CDK19: variants seen among roughly 807,000 people sequenced by gnomAD.
CDK19 encodes cyclin dependent kinase 19.
Under a neutral mutation model 68.3 loss-of-function variants are expected in CDK19, and 20 were observed. The observed-to-expected ratio is 0.29, with a 90% CI of 0.21 to 0.43. The LOEUF is 0.43. Among genes scored for constraint, CDK19 ranks in the 20% least tolerant of loss-of-function variants. The pLI is 1.00. For missense variants in CDK19, 339 were observed against 623.5 expected, an observed-to-expected ratio of 0.54 and a Z score of 4.86; for synonymous variants, 221 against 222.8, an observed-to-expected ratio of 0.99 and a Z score of 0.07.
rs527396556 is a variant in CDK19 at position 110,722,837 on chromosome 6, A to T, written c.204+23289T>A. Reference sequence around the variant, plus strand: ...AGCCATGATCGTGCCAATGTACTACAGCCTGGGTGACAGAGTGAGACCCTA... The same window carrying T: ...AGCCATGATCGTGCCAATGTACTACTGCCTGGGTGACAGAGTGAGACCCTA... On this transcript the variant is annotated intron_variant, in intron 2 of 12. Transcript: ENST00000368911. Among the ~76,000 whole-genome samples, 8 of 152,140 alleles carry T rather than the reference A, an allele frequency of 5.3e-5. No homozygotes were observed. In the East Asian group the frequency reaches 1.6e-3, roughly 29 times the overall value.
chr6:110,679,613 A>T (rs1771839239), intron 2 of CDK19, among the ~76,000 whole-genome samples: 1 of 152,210 alleles, frequency 6.6e-6, no homozygotes, highest in African/African-American at 2.4e-5. Context: ...ACTGTCTCTA[A>T]AAACATAAAA....
chr6:110,689,171 AGGCAGCTATGTTCCTCTCTG>A (rs1034697287), intron 2 of CDK19, among the ~76,000 whole-genome samples: 6 of 152,144 alleles, frequency 3.9e-5, no homozygotes, highest in African/African-American at 1.4e-4. Context: ...TGTGCAGCAG[AGGCAGCTATGTTCCTCTCTG>A]GAACATTACC....
intron 2 of CDK19, among the ~76,000 whole-genome samples, chr6:110,737,325 G>A (rs961734517): frequency 1.3e-5 from 2 of 152,202 alleles, no homozygotes; most frequent in East Asian, 1.9e-4. Flanking sequence ...ACAAAAGTGA[G>A]AAGGAACAAA....
chr6:110,742,675 T>C (rs1283724900), intron 2 of CDK19, among the ~76,000 whole-genome samples: 1 of 152,168 alleles, frequency 6.6e-6, no homozygotes, highest in Non-Finnish European at 1.5e-5. Flanking sequence ...GTCTGTCTTA[T>C]GCAGTTGAGA....
chr6:110,647,850 C>CTGAAGTT lies in CDK19; in HGVS notation c.457-9145_457-9144insAACTTCA, dbSNP rs1289544292. Among the ~76,000 whole-genome samples, 11 of 152,228 alleles carry CTGAAGTT rather than the reference C, an allele frequency of 7.2e-5. No homozygotes were observed. The South Asian group carries it at 2.3e-3, about 32-fold the overall frequency. ...TGAAAAAGAAAAACTTCAGGCCAAC[C>CTGAAGTT]TTACTCATGAATATAGTTGTAAAAA... On this transcript the variant is annotated intron_variant, in intron 4 of 12. Coordinates refer to ENST00000368911, the MANE Select transcript of CDK19 (RefSeq NM_015076.5).
chr6:110,797,569 AAAGG>A (rs1782026964), intron 1 of CDK19, among the ~76,000 whole-genome samples: 1 of 152,228 alleles, frequency 6.6e-6, no homozygotes, highest in African/African-American at 2.4e-5. Flanking sequence ...AGAAAAGAAA[AAAGG>A]AAGAAAGCAG....
intron 1 of CDK19, among the ~76,000 whole-genome samples, chr6:110,775,964 T>C (rs550849024): frequency 6.6e-6 from 1 of 152,354 alleles, no homozygotes; most frequent in Admixed American, 6.5e-5. Flanking sequence ...TCCCTCAGTA[T>C]AACCAGAGTT....
rs368032164 is a variant in CDK19 at position 110,653,794 on chromosome 6, A to T, written c.456+13640T>A. Among the ~76,000 whole-genome samples, 4 of 152,316 alleles carry T rather than the reference A, an allele frequency of 2.6e-5. No homozygotes were observed. In the East Asian group the frequency reaches 5.8e-4, roughly 22 times the overall value. On this transcript the variant is annotated intron_variant, in intron 4 of 12. Transcript: ENST00000368911. ...CTTAATGCTTTAATTTATATTCATG[A>T]TACTTAACATGTACTCCAGATTTGC...
intron 2 of CDK19, among the ~76,000 whole-genome samples, chr6:110,708,447 G>A (rs368755780): frequency 3.7e-4 from 56 of 152,336 alleles, no homozygotes; most frequent in African/African-American, 1.2e-3. Context: ...TAGGCTAGGA[G>A]AATAGAGATT....
chr6:110,814,992 C>G lies in CDK19; in HGVS notation c.128+17G>C. On this transcript the variant is annotated intron_variant, in intron 1 of 12. Coordinates refer to ENST00000368911, the MANE Select transcript of CDK19 (RefSeq NM_015076.5). ...CGAGGACCCGAGCGAGCCTACTCCT[C>G]CCGCCCCTGCTCTTACCCATCTTTC... 6.2e-7 allele frequency: 1 copy of G among 1,602,308 alleles called. No individual in the cohort carries two copies. The highest frequency in any genetic ancestry group is 8.5e-7 in the Non-Finnish European group (1 of 1,175,168).
At chr6:110,620,225 C>T (rs1226767719) in intron 12 of CDK19, among the ~76,000 whole-genome samples, 1 of 152,062 alleles carries the variant, frequency 6.6e-6, no homozygotes, top group East Asian at 1.9e-4. Context: ...GTTTATGCAG[C>T]TATTTGTTAT....
intron 2 of CDK19, among the ~76,000 whole-genome samples, chr6:110,711,903 G>A (rs1016545962): frequency 6.6e-6 from 1 of 152,260 alleles, no homozygotes. Context: ...AGGCTGGGGG[G>A]CGGAGGTTGT....
rs760963852 is a variant in CDK19, at chr6:110,645,976, T to C, written c.457-7270A>G. The stretch of plus-strand genomic sequence containing the variant: ...CGCGAGGGCTTCTACAACGAGCACA[T>C]GCAGCGCGTCTTCAAGTATCTGGGC... On this transcript the variant is annotated intron_variant, in intron 4 of 12. Transcript: ENST00000368911. 271 of 1,167,342 alleles carry C rather than the reference T, an allele frequency of 2.3e-4. 1 individual carries two copies. Among genetic ancestry groups the C allele is most frequent in the Middle Eastern group, 3.8e-4 (2 of 5,208 alleles). The allele number at this position is 1,167,342 out of a possible 1,614,324, so 72.3% of individuals were successfully genotyped here.
chr6:110,813,430 C>T (rs1468523907), intron 1 of CDK19: 2 of 152,120 alleles, frequency 1.3e-5, no homozygotes, highest in Non-Finnish European at 2.9e-5. Flanking sequence ...AAACGGAAAA[C>T]TGGATGTGCT....
chr6:110,765,124 G>C (rs1010909904), intron 1 of CDK19, among the ~76,000 whole-genome samples: 5 of 151,102 alleles, frequency 3.3e-5, no homozygotes, highest in Admixed American at 6.6e-5. Context: ...GCACTTTAAA[G>C]AAAATAAAAA....
chr6:110,646,599 G>A, intron 4 of CDK19: 2 of 686,946 alleles, frequency 2.9e-6, no homozygotes, highest in South Asian at 3.4e-5. Context: ...CAACGGCGGA[G>A]GGGGCGGGGA....
chr6:110,713,364 G>A (rs1008823021), intron 2 of CDK19, among the ~76,000 whole-genome samples: 2 of 150,802 alleles, frequency 1.3e-5, no homozygotes, highest in African/African-American at 4.9e-5. Context: ...CCCGGGAGGC[G>A]GAGCTTGCAG....
At chr6:110,641,488 T>C (rs1160309839) in intron 4 of CDK19, among the ~76,000 whole-genome samples, 3 of 151,566 alleles carry the variant, frequency 2.0e-5, no homozygotes, top group Admixed American at 1.3e-4. Context: ...TCCCAGCTAC[T>C]TGGGAGGCTG....
rs780680104 is a variant in CDK19, at chr6:110,815,161, G to A, written c.-25C>T. ...TTGTCTGCTTCCCCCATAGAGGCAC[G>A]GGACGCGGGGGCCGCCGCCGCTCAG... On this transcript the variant is annotated 5_prime_UTR_variant, in exon 1 of 13. Coordinates refer to ENST00000368911, the MANE Select transcript of CDK19 (RefSeq NM_015076.5). 4.5e-6 allele frequency: 7 copies of A among 1,564,246 alleles called. No individual in the cohort carries two copies. The highest frequency in any genetic ancestry group is 6.1e-6 in the Non-Finnish European group (7 of 1,156,828).
Sources: allele counts gnomAD v4.1 joint callset (sites outside exome capture counted in the v4.1 genomes callset), GRCh38; gene constraint gnomAD v4.1.1; transcripts MANE v1.5; gene names NCBI Gene and HGNC (gene_info 2026-07-23, HGNC 2026-07-21).